RIMS2: variants seen among roughly 807,000 people sequenced by gnomAD.
The protein encoded by RIMS2 is regulating synaptic membrane exocytosis 2, also known as regulating synaptic membrane exocytosis protein 2.
A neutral mutation model predicts 174.4 loss-of-function variants in RIMS2; 59 were observed. That is an observed-to-expected ratio of 0.34 (90% CI 0.27 to 0.42). RIMS2 has a LOEUF of 0.42. Ranked by LOEUF, RIMS2 falls within the 10% of genes least tolerant of loss-of-function variation. The pLI is 1.00. For synonymous variants in RIMS2, 606 were observed against 572.5 expected (o/e 1.06, Z -0.84); for missense variants, 1,620 against 1,666.3 (o/e 0.97, Z 0.48).
intron 1 of RIMS2, among the ~76,000 whole-genome samples, chr8:103,651,258 G>T (rs896276130): frequency 6.6e-6 from 1 of 152,172 alleles, no homozygotes; most frequent in Non-Finnish European, 1.5e-5. Context: ...GCTTCTCTTT[G>T]TTCTCTGAGG....
intron 19 of RIMS2, among the ~76,000 whole-genome samples, chr8:104,177,968 G>T (rs1279695123): frequency 6.6e-6 from 1 of 152,174 alleles, no homozygotes. Context: ...GAACTCTAAT[G>T]ATGGTGTCTA....
Position 103,707,983 on chromosome 8 carries a change from GA to G in RIMS2, c.387+10692del, listed in dbSNP as rs2097254347. Among the ~76,000 whole-genome samples the G allele has an allele frequency of 1.3e-5, 2 of 152,178 alleles. 1 individual carries two copies. Among genetic ancestry groups the G allele is most frequent in the Non-Finnish European group, 2.9e-5 (2 of 68,026 alleles). On this transcript the variant is annotated intron_variant, in intron 2 of 23. Transcript: ENST00000504942. ...TAGCTGGGCTGGTACCCAATTGTAA[GA>G]AAAAGTTTCCTCTGTTTACTCTAAG...
chr8:103,995,121 T>C (rs1004439127), intron 17 of RIMS2, among the ~76,000 whole-genome samples: 39 of 152,184 alleles, frequency 2.6e-4, no homozygotes, highest in Admixed American at 7.2e-4. Context: ...TAATCTTCTG[T>C]TTATGTTTCT....
chr8:103,676,991 T>C (rs939882017), intron 1 of RIMS2, among the ~76,000 whole-genome samples: 2 of 152,122 alleles, frequency 1.3e-5, no homozygotes, highest in African/African-American at 4.8e-5. Flanking sequence ...TAAAAATAAA[T>C]AAAATATACT....
chr8:104,166,654 T>C (rs1452278441), intron 19 of RIMS2, among the ~76,000 whole-genome samples: 1 of 151,906 alleles, frequency 6.6e-6, no homozygotes, highest in African/African-American at 2.4e-5. Context: ...ACTAAAACTA[T>C]ATTCAAGACC....
At chr8:104,065,029 C>G (rs72683187) in intron 19 of RIMS2, among the ~76,000 whole-genome samples, 19,624 of 151,922 alleles carry the variant, frequency 0.13, 1,738 homozygotes, top group Non-Finnish European at 0.19. Flanking sequence ...ACTCTCTAAA[C>G]CTATAAACCG....
intron 19 of RIMS2, among the ~76,000 whole-genome samples, chr8:104,045,779 A>G (rs941646389): frequency 2.0e-5 from 3 of 151,916 alleles, no homozygotes; most frequent in Admixed American, 2.0e-4. Context: ...AAAATATGTT[A>G]TAAATTACTA....
intron 12 of RIMS2, among the ~76,000 whole-genome samples, chr8:103,934,766 C>T (rs1351809648): frequency 1.3e-5 from 2 of 150,634 alleles, no homozygotes; most frequent in African/African-American, 2.4e-5. Flanking sequence ...GGCACGATCT[C>T]GGCTCACTGC....
chr8:103,917,633 A>T (rs1021047495), intron 8 of RIMS2, among the ~76,000 whole-genome samples: 2 of 152,206 alleles, frequency 1.3e-5, no homozygotes, highest in African/African-American at 4.8e-5. Flanking sequence ...AAATAAAAAG[A>T]TACACTTACT....
intron 1 of RIMS2, among the ~76,000 whole-genome samples, chr8:103,594,414 T>A (rs2094403065): frequency 6.6e-6 from 1 of 151,684 alleles, no homozygotes; most frequent in African/African-American, 2.4e-5. Flanking sequence ...GAGTTCCTTG[T>A]TAATCAATCA....
intron 2 of RIMS2, among the ~76,000 whole-genome samples, chr8:103,747,854 A>T (rs1456853606): frequency 6.6e-6 from 1 of 152,148 alleles, no homozygotes; most frequent in East Asian, 1.9e-4. Context: ...ATACAAGTAT[A>T]CTGAAGCTTA....
chr8:103,577,401 G>A (rs952862959), intron 1 of RIMS2, among the ~76,000 whole-genome samples: 1 of 152,110 alleles, frequency 6.6e-6, no homozygotes, highest in African/African-American at 2.4e-5. Flanking sequence ...ACACTGATAA[G>A]TGGGAGTTGA....
At chr8:103,560,307 G>T (rs948602865) in intron 1 of RIMS2, among the ~76,000 whole-genome samples, 1 of 152,134 alleles carries the variant, frequency 6.6e-6, no homozygotes, top group Non-Finnish European at 1.5e-5. Context: ...AACCTGGGAG[G>T]TGGAGGTTGC....
intron 19 of RIMS2, among the ~76,000 whole-genome samples, chr8:104,069,791 C>T (rs532441414): frequency 6.6e-6 from 1 of 152,122 alleles, no homozygotes; most frequent in East Asian, 1.9e-4. Flanking sequence ...TACTCCATTA[C>T]CTTTTTATAT....
At chr8:103,990,026 T>C (rs1305682631) in intron 17 of RIMS2, among the ~76,000 whole-genome samples, 6 of 152,192 alleles carry the variant, frequency 3.9e-5, no homozygotes, top group South Asian at 2.1e-4. Flanking sequence ...TATGTTACAA[T>C]GCTTACATTA....
At chr8:103,506,661 C>G (rs1823790219) in intron 1 of RIMS2, among the ~76,000 whole-genome samples, 1 of 152,094 alleles carries the variant, frequency 6.6e-6, no homozygotes, top group Admixed American at 6.6e-5. Flanking sequence ...CTCTTTAAAC[C>G]TTATCATAGG....
At chr8:103,916,180 A>G (rs772357435) in intron 7 of RIMS2, among the ~76,000 whole-genome samples, 4 of 152,070 alleles carry the variant, frequency 2.6e-5, no homozygotes, top group Non-Finnish European at 4.4e-5. Flanking sequence ...AAGAAATCCC[A>G]TAGAGATAAT....
chr8:103,773,260 G>A (rs1354404664), intron 3 of RIMS2, among the ~76,000 whole-genome samples: 1 of 152,076 alleles, frequency 6.6e-6, no homozygotes, highest in South Asian at 2.1e-4. Context: ...GAAAATATTT[G>A]CTTATTGCTT....
At chr8:104,214,611 C>T (rs1000037224) in intron 19 of RIMS2, among the ~76,000 whole-genome samples, 1 of 152,104 alleles carries the variant, frequency 6.6e-6, no homozygotes. Context: ...CCACACCCAG[C>T]TAATTTTTGT....
Sources: gnomAD v4.1 joint callset for allele counts (sites outside exome capture counted in the v4.1 genomes callset) on GRCh38, gnomAD v4.1.1 for gene constraint, MANE v1.5 for transcripts, NCBI Gene and HGNC (gene_info 2026-07-23, HGNC 2026-07-21) for gene names.